Variants in PLCG2 observed in about 807,000 individuals in gnomAD.
The protein encoded by PLCG2 is 1-phosphatidylinositol 4,5-bisphosphate phosphodiesterase gamma-2.
A neutral mutation model predicts 175.6 loss-of-function variants in PLCG2; 69 were observed. The ratio of observed to expected loss-of-function variants is 0.39; its 90% CI spans 0.32 to 0.48. PLCG2 has a LOEUF of 0.48. Among genes scored for constraint, PLCG2 ranks in the 20% least tolerant of loss-of-function variants. The pLI, the probability that PLCG2 is intolerant of heterozygous loss-of-function variation, is 0.91. For synonymous variants in PLCG2, 827 were observed against 624.0 expected, an observed-to-expected ratio of 1.33 and a Z score of -4.85; for missense variants, 1,798 against 1,650.9, an observed-to-expected ratio of 1.09 and a Z score of -1.54.
At chr16:81,938,942 C>T (rs1240270573) in intron 29 of PLCG2, 27 bp downstream of exon 29, 3 of 1,324,586 alleles carry the variant, frequency 2.3e-6, no homozygotes, top group Non-Finnish European at 3.3e-6. Flanking sequence ...GGCCCCTCTG[C>T]TTTTAAACGT....
intron 2 of PLCG2, among the ~76,000 whole-genome samples, chr16:81,788,385 A>G (rs796562635): frequency 2.0e-5 from 3 of 152,282 alleles, no homozygotes; most frequent in African/African-American, 7.2e-5. Context: ...GATTCATGCC[A>G]TTCTCCTGCC....
intron 12 of PLCG2, among the ~76,000 whole-genome samples, chr16:81,894,559 T>G (rs1908790022): frequency 6.6e-6 from 1 of 152,116 alleles, no homozygotes; most frequent in South Asian, 2.1e-4. Flanking sequence ...CAAAGGCTCA[T>G]GGGTGCATTT....
At chr16:81,820,515 T>C (rs1904747703) in intron 2 of PLCG2, among the ~76,000 whole-genome samples, 1 of 152,268 alleles carries the variant, frequency 6.6e-6, no homozygotes, top group African/African-American at 2.4e-5. Flanking sequence ...TTTCTGTTGC[T>C]GAGCAGCATT....
chr16:81,778,202 C>T (rs1910539774), upstream of PLCG2, among the ~76,000 whole-genome samples: 2 of 152,010 alleles, frequency 1.3e-5, no homozygotes, highest in African/African-American at 4.8e-5. Flanking sequence ...ATAGTGAGAC[C>T]TCATGTCGAA....
At chr16:81,769,998 A>G (rs921904764) in intron 2 of PLCG2, among the ~76,000 whole-genome samples, 2 of 152,174 alleles carry the variant, frequency 1.3e-5, no homozygotes, top group Non-Finnish European at 2.9e-5. Context: ...GATGAAATAC[A>G]TTGACTGCAC....
At chr16:81,819,883 C>T (rs1458811938) in intron 2 of PLCG2, among the ~76,000 whole-genome samples, 2 of 152,180 alleles carry the variant, frequency 1.3e-5, no homozygotes, top group African/African-American at 4.8e-5. Flanking sequence ...TGTGCCTAGC[C>T]CTAGCTCAGT....
chr16:81,936,336 C>G lies in PLCG2; in HGVS notation c.3010C>G (p.Leu1004Val). Residue 1004 changes from leucine to valine, a missense_variant, in exon 27 of 33, where the codon CTG becomes GTG. Physicochemically the swap from Leu to Val is conservative, Grantham distance 32. Transcript: ENST00000564138. ...AAACTACGACCCCTTCCGCCTCTGG[C>G]TGTGCGGTTCTCAGATGGTGGCACT... is the stretch of plus-strand genomic sequence containing the variant. ...SSNYDPFRLW[L>V]CGSQMVALNF... 6.2e-7 allele frequency: 1 copy of G among 1,614,158 alleles called. No homozygotes were observed. Among genetic ancestry groups the G allele is most frequent in the Non-Finnish European group, 8.5e-7 (1 of 1,180,042 alleles).
At chr16:81,753,010 A>G (rs1202788727) in intron 1 of PLCG2, among the ~76,000 whole-genome samples, 1 of 152,222 alleles carries the variant, frequency 6.6e-6, no homozygotes, top group African/African-American at 2.4e-5. Flanking sequence ...CCTGGTACAC[A>G]GCAAGTGCTT....
intron 2 of PLCG2, among the ~76,000 whole-genome samples, chr16:81,768,776 A>T (rs1910210398): frequency 6.6e-6 from 1 of 152,002 alleles, no homozygotes; most frequent in Non-Finnish European, 1.5e-5. Context: ...CATGTTGGCC[A>T]CGCTGGTCTC....
At chr16:81,953,626 C>G (rs1002860951) in intron 31 of PLCG2, among the ~76,000 whole-genome samples, 7 of 152,198 alleles carry the variant, frequency 4.6e-5, no homozygotes, top group Non-Finnish European at 7.3e-5. Flanking sequence ...AAAACTCAGA[C>G]TCAAAAGAAA....
intron 5 of PLCG2, among the ~76,000 whole-genome samples, chr16:81,868,127 C>T (rs1402274070): frequency 2.0e-5 from 3 of 152,300 alleles, no homozygotes; most frequent in Admixed American, 2.0e-4. Flanking sequence ...AGCTCTAAGC[C>T]CTGAGTTGTG....
chr16:81,766,601 G>A (rs987481826), intron 2 of PLCG2: 4 of 152,426 alleles, frequency 2.6e-5, no homozygotes, highest in African/African-American at 9.7e-5. Context: ...CTCTGCTAAA[G>A]TGCTCACCCC....
At chr16:81,938,275 CT>C (rs1910799330) in intron 28 of PLCG2, among the ~76,000 whole-genome samples, 1 of 151,974 alleles carries the variant, frequency 6.6e-6, no homozygotes, top group African/African-American at 2.4e-5. Flanking sequence ...AATTCCAGGG[CT>C]TTTTAAAATT....
chr16:81,957,804 C>G (rs1207813310), intron 32 of PLCG2, 152 bp from the exon 33 acceptor site: 3 of 654,302 alleles, frequency 4.6e-6, no homozygotes, highest in East Asian at 2.7e-5. Flanking sequence ...AACGTCTTAC[C>G]AGGAACTTGG....
At chr16:81,882,706 A>G (rs8043949) in intron 8 of PLCG2, among the ~76,000 whole-genome samples, 1 of 150,956 alleles carries the variant, frequency 6.6e-6, no homozygotes, top group Non-Finnish European at 1.5e-5. Context: ...TTTCCTTGCC[A>G]GGTACTCTCT....
chr16:81,779,792 G>C (rs4319763), intron 1 of PLCG2, among the ~76,000 whole-genome samples: 128,198 of 151,712 alleles, frequency 0.85, 54,236 homozygotes, highest in South Asian at 0.95. Flanking sequence ...CTCTCTTGAC[G>C]GCCCTTGTGC....
At chr16:81,822,847 G>T (rs1417462470) in intron 2 of PLCG2, among the ~76,000 whole-genome samples, 1 of 151,214 alleles carries the variant, frequency 6.6e-6, no homozygotes, top group Admixed American at 6.6e-5. Flanking sequence ...AGGTTGGAAT[G>T]ATGTGCTTCA....
chr16:81,961,197 C>T lies in PLCG2; in HGVS notation c.*3199C>T, dbSNP rs866774748. 1 of 227,636 alleles carries T rather than the reference C, an allele frequency of 4.4e-6. No individual in the cohort carries two copies. Among genetic ancestry groups the T allele is most frequent in the Middle Eastern group, 1.3e-3 (1 of 750 alleles). The allele number at this position is 227,636 out of a possible 1,614,324, so 14.1% of individuals were successfully genotyped here. On this transcript the variant is annotated 3_prime_UTR_variant, in exon 33 of 33. Coordinates refer to ENST00000564138, the MANE Select transcript of PLCG2 (RefSeq NM_002661.5). ...GGGTTGGAAGAATTCAGTGATTCTG[C>T]TATCATAAAGCTTCCGTTCCCATTG...
chr16:81,871,904 A>T (rs1907536683), intron 7 of PLCG2, among the ~76,000 whole-genome samples: 1 of 152,178 alleles, frequency 6.6e-6, no homozygotes, highest in African/African-American at 2.4e-5. Flanking sequence ...ATATTATGTG[A>T]CATTATGCAG....
Sources: allele counts gnomAD v4.1 joint callset (sites outside exome capture counted in the v4.1 genomes callset), GRCh38; gene constraint gnomAD v4.1.1; transcripts MANE v1.5; gene names NCBI Gene and HGNC (gene_info 2026-07-23, HGNC 2026-07-21).